NPAS3: variants seen among roughly 807,000 people sequenced by gnomAD.
NPAS3 encodes the protein neuronal PAS domain-containing protein 3.
A neutral mutation model predicts 73.1 loss-of-function variants in NPAS3; 14 were observed. The observed-to-expected ratio is 0.19, with a 90% CI of 0.13 to 0.30. The LOEUF is 0.30. Ranked by LOEUF, NPAS3 falls within the 10% of genes least tolerant of loss-of-function variation. The probability of loss-of-function intolerance (pLI) is 1.00; values close to 1 mark genes in which losing one functional copy is unlikely to be tolerated. For synonymous variants in NPAS3, 620 were observed against 541.5 expected, an observed-to-expected ratio of 1.14 and a Z score of -2.01; for missense variants, 1,096 against 1,250.0, an observed-to-expected ratio of 0.88 and a Z score of 1.86.
At chr14:33,108,358 T>C (rs1269603375) in intron 2 of NPAS3, among the ~76,000 whole-genome samples, 3 of 152,058 alleles carry the variant, frequency 2.0e-5, no homozygotes, top group Non-Finnish European at 4.4e-5. Flanking sequence ...CACACCTGGC[T>C]AATTTTTGTA....
Position 33,569,858 on chromosome 14 carries a change from C to T in NPAS3, c.558+9648C>T, listed in dbSNP as rs139205329. 4.6e-3 allele frequency among the ~76,000 whole-genome samples: 700 copies of T among 152,214 alleles called. 17 individuals carry two copies. Among genetic ancestry groups the T allele is most frequent in the Admixed American group, 0.031 (467 of 15,278 alleles). ...TTCTTGTCCTTATAAACAGGGGAGA[C>T]GCAGAAATATTTCCAGAAAATGTGA... On this transcript the variant is annotated intron_variant, in intron 5 of 11. Coordinates refer to ENST00000356141, the Ensembl canonical transcript of NPAS3.
intron 3 of NPAS3, among the ~76,000 whole-genome samples, chr14:33,303,329 A>T (rs2042628283): frequency 6.6e-6 from 1 of 152,094 alleles, no homozygotes; most frequent in African/African-American, 2.4e-5. Flanking sequence ...ATTAGAACTT[A>T]CTCAAAATTT....
intron 4 of NPAS3, among the ~76,000 whole-genome samples, chr14:33,439,757 G>A (rs913313564): frequency 4.1e-4 from 62 of 152,200 alleles, no homozygotes; most frequent in Non-Finnish European, 1.5e-4. Flanking sequence ...GCCTAAAAGA[G>A]GCCAGAAACC....
intron 1 of NPAS3, among the ~76,000 whole-genome samples, chr14:32,955,193 A>G (rs1396951537): frequency 6.6e-6 from 1 of 152,110 alleles, no homozygotes; most frequent in Non-Finnish European, 1.5e-5. Context: ...ATGATTTGGC[A>G]TTTTGCTTTT....
At chr14:33,770,512 C>T (rs932086671) in intron 7 of NPAS3, among the ~76,000 whole-genome samples, 2 of 152,218 alleles carry the variant, frequency 1.3e-5, no homozygotes, top group African/African-American at 4.8e-5. Flanking sequence ...GACAGATTTA[C>T]ATTTGATTTA....
chr14:33,112,301 T>C (rs2042921791), intron 2 of NPAS3, among the ~76,000 whole-genome samples: 3 of 152,208 alleles, frequency 2.0e-5, no homozygotes, highest in African/African-American at 7.2e-5. Context: ...GTAAAAGTGT[T>C]CCTATTTCTC....
At chr14:33,753,068 T>G (rs1173984764) in intron 7 of NPAS3, among the ~76,000 whole-genome samples, 1 of 152,206 alleles carries the variant, frequency 6.6e-6, no homozygotes, top group Non-Finnish European at 1.5e-5. Context: ...GGCTGATTCT[T>G]CTTAAAGAAC....
chr14:33,122,468 A>C (rs1425689292), intron 2 of NPAS3, among the ~76,000 whole-genome samples: 4 of 152,092 alleles, frequency 2.6e-5, no homozygotes, highest in Non-Finnish European at 5.9e-5. Context: ...AAATTATTCA[A>C]CTCAAAAACC....
rs185406645 is a variant in NPAS3 at position 33,576,559 on chromosome 14, A to T, written c.558+16349A>T. On this transcript the variant is annotated intron_variant, in intron 5 of 11. Transcript: ENST00000356141. ...AAAGCTACTGCTTGGTGGCAGTGTGAAATAACTTGGTTCTGTACATTAAGT... is the reference window on the plus strand; with the variant it reads ...AAAGCTACTGCTTGGTGGCAGTGTGTAATAACTTGGTTCTGTACATTAAGT... 2.0e-5 allele frequency among the ~76,000 whole-genome samples: 3 copies of T among 152,310 alleles called. No homozygotes were observed. In the East Asian group the frequency reaches 5.8e-4, roughly 29 times the overall value.
intron 5 of NPAS3, among the ~76,000 whole-genome samples, chr14:33,675,034 G>A (rs1028461897): frequency 2.6e-5 from 4 of 151,826 alleles, no homozygotes; most frequent in Non-Finnish European, 5.9e-5. Context: ...CCTGGAAAGG[G>A]AAGTGAGGTA....
chr14:33,662,598 A>G (rs1441327381), intron 5 of NPAS3, among the ~76,000 whole-genome samples: 1 of 152,148 alleles, frequency 6.6e-6, no homozygotes, highest in African/African-American at 2.4e-5. Context: ...ATGTTCTTCC[A>G]TTTGCTTGTG....
intron 4 of NPAS3, among the ~76,000 whole-genome samples, chr14:33,377,584 C>G (rs1315146): frequency 0.63 from 95,167 of 152,156 alleles, 30,675 homozygotes; most frequent in Middle Eastern, 0.69. Context: ...AATGATGTCT[C>G]TATATGGCAG....
chr14:32,937,909 G>C (rs1262934743), upstream of NPAS3, among the ~76,000 whole-genome samples: 1 of 152,148 alleles, frequency 6.6e-6, no homozygotes, highest in Admixed American at 6.5e-5. Flanking sequence ...GCTCTGACCA[G>C]GGTCTACCCA....
At chr14:33,322,702 A>AT (rs1238865713) in intron 3 of NPAS3, among the ~76,000 whole-genome samples, 1 of 152,102 alleles carries the variant, frequency 6.6e-6, no homozygotes, top group African/African-American at 2.4e-5. Context: ...TTCTGAGCTC[A>AT]TAATAATTGA....
chr14:32,942,893 T>C (rs965287328), intron 1 of NPAS3, among the ~76,000 whole-genome samples: 3 of 152,098 alleles, frequency 2.0e-5, no homozygotes, highest in Non-Finnish European at 1.5e-5. Context: ...ACTGAAATAA[T>C]GAAATATTTC....
In NPAS3 at chr14:32,968,058, A is replaced by G. The variant is rs139671888; in HGVS notation, c.50+28692A>G. On this transcript the variant is annotated intron_variant, in intron 1 of 11. Transcript: ENST00000356141. Reference sequence around the variant, plus strand: ...TTGACCTCATAAAAGTAGAGAGTAGAATAGTGGTTACCAGAGACAGGGAGA... The same window carrying G: ...TTGACCTCATAAAAGTAGAGAGTAGGATAGTGGTTACCAGAGACAGGGAGA... Among the ~76,000 whole-genome samples the G allele has an allele frequency of 1.7e-3, 263 of 152,214 alleles. 2 individuals carry two copies. The highest frequency in any genetic ancestry group is 5.9e-3 in the African/African-American group (246 of 41,540).
intron 6 of NPAS3, among the ~76,000 whole-genome samples, chr14:33,695,989 A>G (rs1258984710): frequency 6.6e-6 from 1 of 152,174 alleles, no homozygotes; most frequent in Admixed American, 6.5e-5. Flanking sequence ...ATTCCTCTCG[A>G]AGAAGAAATA....
At chr14:33,401,559 G>A (rs1223683943) in intron 4 of NPAS3, among the ~76,000 whole-genome samples, 1 of 152,088 alleles carries the variant, frequency 6.6e-6, no homozygotes, top group Non-Finnish European at 1.5e-5. Context: ...GCATGCCTTT[G>A]ATTGTCTTTC....
At chr14:33,642,164 T>C (rs574704740) in intron 5 of NPAS3, among the ~76,000 whole-genome samples, 1 of 152,278 alleles carries the variant, frequency 6.6e-6, no homozygotes, top group Admixed American at 6.5e-5. Context: ...TCATCTCGGA[T>C]CTCCTGCTGT....
Sources: allele counts gnomAD v4.1 joint callset (sites outside exome capture counted in the v4.1 genomes callset), GRCh38; gene constraint gnomAD v4.1.1; transcripts MANE v1.5; gene names NCBI Gene and HGNC (gene_info 2026-07-23, HGNC 2026-07-21).